CC2D2B: variants seen among roughly 807,000 people sequenced by gnomAD.
The protein encoded by CC2D2B is protein CC2D2B.
In CC2D2B, 128 loss-of-function variants were observed where a neutral mutation model predicts 161.2. The observed-to-expected ratio is 0.79, with a 90% CI of 0.69 to 0.92. The LOEUF (loss-of-function observed/expected upper bound fraction) is 0.92. CC2D2B is among the 40% of genes least tolerant of loss of function. The probability of loss-of-function intolerance (pLI) is 0.00; values close to 1 mark genes in which losing one functional copy is unlikely to be tolerated. For synonymous variants in CC2D2B, 391 were observed against 449.8 expected, an observed-to-expected ratio of 0.87 and a Z score of 1.65; for missense variants, 1,173 against 1,375.1, an observed-to-expected ratio of 0.85 and a Z score of 2.32.
chr10:96,031,760 A>T, intron 34 of CC2D2B, 60 bp from the exon 35 acceptor site: 1 of 1,379,870 alleles, frequency 7.2e-7, no homozygotes, highest in South Asian at 1.3e-5. Context: ...TTTTGCATAC[A>T]GTAATTCCAG....
rs200259111 is a variant in CC2D2B at position 95,984,482 on chromosome 10, G to T, written c.2286+673G>T. The T allele has an allele frequency of 2.0e-5, 3 of 152,076 alleles. No individual in the cohort carries two copies. The East Asian group carries it at 5.8e-4, about 29-fold the overall frequency. The allele number at this position is 152,076 out of a possible 1,614,324, so 9.4% of individuals were successfully genotyped here. On this transcript the variant is annotated intron_variant, in intron 19 of 34. Transcript: ENST00000646931. ...TTAAAGTGTCATCATGACTGTAATT[G>T]AGAATATGTTAGCCAAAAATAAAAT... is the stretch of plus-strand genomic sequence containing the variant.
chr10:95,927,265 A>C lies in CC2D2B; in HGVS notation c.269A>C (p.Asp90Ala), dbSNP rs1486747211. 1 of 1,550,632 alleles carries C rather than the reference A, an allele frequency of 6.4e-7. No homozygotes were observed. Among genetic ancestry groups the C allele is most frequent in the African/African-American group, 1.4e-5 (1 of 73,008 alleles). The change falls in exon 6 of 35, where the codon GAT becomes GCT. Residue 90 changes from aspartate to alanine, a missense_variant. This residue lies in a region of CC2D2B where 298 missense variants were observed against 261.2 expected (regional missense o/e 1.14). Coordinates refer to ENST00000646931, the MANE Select transcript of CC2D2B (RefSeq NM_001349008.3). ...TCTCCACAGACTGAAGTCTCATTGG[A>C]TGAAAGTCTTTCATTTTTCATTCTG... ...KLSPQTEVSL[D>A]ESLSFFILSG...
At chr10:95,954,378 T>C (rs1472847109) in intron 10 of CC2D2B, among the ~76,000 whole-genome samples, 1 of 152,170 alleles carries the variant, frequency 6.6e-6, no homozygotes, top group African/African-American at 2.4e-5. Context: ...TATTTCCCTA[T>C]TGATTTAAAA....
chr10:95,947,103 ATATATATATATTTTTT>A (rs1377271810), intron 9 of CC2D2B, among the ~76,000 whole-genome samples: 1 of 44,344 alleles, frequency 2.3e-5, no homozygotes, highest in Non-Finnish European at 4.2e-5. Context: ...ATATATATAT[ATATATATATATTTTTT>A]TTTTTTTTTT....
Position 96,019,308 on chromosome 10 carries a change from A to G in CC2D2B, c.3736A>G (p.Ser1246Gly). 1 of 1,611,558 alleles carries G rather than the reference A, an allele frequency of 6.2e-7. No homozygotes were observed. Among genetic ancestry groups the G allele is most frequent in the South Asian group, 1.1e-5 (1 of 90,290 alleles). The change falls in exon 31 of 35, where the codon AGT becomes GGT. Residue 1246 changes from serine (S) to glycine (G), a missense_variant. Ser to Gly is a moderately conservative substitution (Grantham distance 56, BLOSUM62 0). Around this residue, in one of 3 missense-constraint regions of CC2D2B, gnomAD observed 598 missense variants for 693.2 expected, o/e 0.86. Coordinates refer to ENST00000646931, the MANE Select transcript of CC2D2B (RefSeq NM_001349008.3). ...GTTTGACCCGTTTTGTCCCTTAAAA[A>G]GTGTAGATTGTTTGTTTGATGATAG... ...KQFDPFCPLK[S>G]VDCLFDDRNV... is the part of the protein sequence containing the mutation.
At chr10:95,972,854 T>C (rs370981695) in intron 16 of CC2D2B, among the ~76,000 whole-genome samples, 249 of 151,992 alleles carry the variant, frequency 1.6e-3, no homozygotes, top group African/African-American at 5.8e-3. Context: ...CTCGCAGACA[T>C]ATGGGTTTGT....
intron 6 of CC2D2B, among the ~76,000 whole-genome samples, chr10:95,930,488 A>G (rs2098548066): frequency 2.6e-5 from 4 of 152,186 alleles, no homozygotes; most frequent in African/African-American, 9.7e-5. Context: ...TTCAAAGGGA[A>G]TGCTTCCAGC....
chr10:95,924,457 TTTTC>T (rs1444299280), intron 4 of CC2D2B, 67 bp downstream of exon 4: 3 of 895,186 alleles, frequency 3.4e-6, no homozygotes, highest in African/African-American at 3.5e-5. Flanking sequence ...CACAATCAAG[TTTTC>T]TTTGTCAAAA....
At chr10:96,023,344 A>G (rs905019756) in intron 32 of CC2D2B, among the ~76,000 whole-genome samples, 1 of 152,206 alleles carries the variant, frequency 6.6e-6, no homozygotes, top group Non-Finnish European at 1.5e-5. Flanking sequence ...ATTACACACA[A>G]TTGTGAACAC....
At chr10:95,934,109 C>T (rs1033583023) in intron 6 of CC2D2B, among the ~76,000 whole-genome samples, 3 of 152,176 alleles carry the variant, frequency 2.0e-5, no homozygotes, top group Admixed American at 1.3e-4. Flanking sequence ...GGCAGTTTGG[C>T]TACAGCAGCT....
At chr10:95,999,159 G>A (rs550281141) in intron 24 of CC2D2B, among the ~76,000 whole-genome samples, 1 of 152,318 alleles carries the variant, frequency 6.6e-6, no homozygotes, top group African/African-American at 2.4e-5. Context: ...TCTAGAAACT[G>A]TGTCTCAGCC....
chr10:96,004,824 G>T (rs143514059), intron 25 of CC2D2B, among the ~76,000 whole-genome samples: 1 of 152,302 alleles, frequency 6.6e-6, no homozygotes, highest in African/African-American at 2.4e-5. Context: ...AAGGTATGTA[G>T]ATTAAATGCT....
intron 24 of CC2D2B, among the ~76,000 whole-genome samples, chr10:96,001,906 G>A (rs1401614064): frequency 1.3e-5 from 2 of 152,072 alleles, no homozygotes; most frequent in African/African-American, 4.8e-5. Context: ...TATTCTTTGT[G>A]TGTGAAGGAA....
chr10:95,924,256 T>G, intron 3 of CC2D2B, 58 bp from the exon 4 acceptor site: 3 of 861,240 alleles, frequency 3.5e-6, no homozygotes, highest in Non-Finnish European at 5.2e-6. Flanking sequence ...TTTGCTGCTA[T>G]TGTTGTTTAA....
In CC2D2B at chr10:95,983,635, A is replaced by C. The variant is rs2077614183; in HGVS notation, c.2112A>C (p.Pro704=). The part of the protein sequence containing the change: ...TYMRLKGQDI[P]KYFRLEQLQD... ...TGAGACTTAAGGGGCAGGATATTCC[A>C]AAGTATTTTCGTCTTGAACAGTTGC... Residue 704 remains proline, a synonymous_variant, in exon 19 of 35, where the codon CCA becomes CCC. Transcript: ENST00000646931. 8.1e-7 allele frequency: 1 copy of C among 1,231,510 alleles called. No individual in the cohort carries two copies. The highest frequency in any genetic ancestry group is 4.2e-5 in the Admixed American group (1 of 23,688). 76.3% of individuals were successfully genotyped at this position (1,231,510 alleles called of 1,614,324 possible).
intron 25 of CC2D2B, among the ~76,000 whole-genome samples, chr10:96,006,099 G>C (rs1434179345): frequency 6.6e-6 from 1 of 151,176 alleles, no homozygotes; most frequent in African/African-American, 2.4e-5. Context: ...TCACTTTTTT[G>C]GTTTTCTAAT....
intron 26 of CC2D2B, 49 bp downstream of exon 26, chr10:96,009,972 A>G (rs1384742453): frequency 1.7e-6 from 2 of 1,159,026 alleles, no homozygotes; most frequent in Non-Finnish European, 2.6e-6. Flanking sequence ...CCTCTGGCTC[A>G]TAGAAAAACT....
intron 31 of CC2D2B, 109 bp from the exon 32 acceptor site, chr10:96,019,593 T>C: frequency 9.1e-7 from 1 of 1,102,860 alleles, no homozygotes; most frequent in Non-Finnish European, 1.3e-6. Context: ...CCGCTGGGAT[T>C]CTGCCACTTC....
intron 31 of CC2D2B, 47 bp from the exon 32 acceptor site, chr10:96,019,655 T>G (rs2141912320): frequency 1.3e-6 from 2 of 1,511,588 alleles, no homozygotes; most frequent in Non-Finnish European, 1.8e-6. Flanking sequence ...ACAATGGGCC[T>G]TGTGTTCCTA....
Sources: allele counts gnomAD v4.1 joint callset (sites outside exome capture counted in the v4.1 genomes callset), GRCh38; gene constraint gnomAD v4.1.1; regional missense constraint gnomAD v4.1.1; transcripts MANE v1.5; gene names NCBI Gene and HGNC (gene_info 2026-07-23, HGNC 2026-07-21).